The following NXPH2 variants were observed in gnomAD, a reference collection of about 807,000 sequenced individuals.
NXPH2 encodes neurexophilin 2.
A neutral mutation model predicts 19.8 loss-of-function variants in NXPH2; 5 were observed. The ratio of observed to expected loss-of-function variants is 0.25; its 90% CI spans 0.13 to 0.53. The LOEUF is 0.53. Among genes scored for constraint, NXPH2 ranks in the 20% least tolerant of loss-of-function variants. The probability of loss-of-function intolerance (pLI) is 0.96; values close to 1 mark genes in which losing one functional copy is unlikely to be tolerated. For missense variants in NXPH2, 289 were observed against 322.8 expected, an observed-to-expected ratio of 0.90 and a Z score of 0.80; for synonymous variants, 154 against 127.4, an observed-to-expected ratio of 1.21 and a Z score of -1.41.
chr2:138,738,810 A>G (rs937948715), intron 1 of NXPH2, among the ~76,000 whole-genome samples: 2 of 152,200 alleles, frequency 1.3e-5, no homozygotes, highest in African/African-American at 4.8e-5. Flanking sequence ...CTCATGCCAC[A>G]TGTACCGCAG....
At chr2:138,716,883 G>T (rs754992701) in intron 1 of NXPH2, among the ~76,000 whole-genome samples, 14 of 152,130 alleles carry the variant, frequency 9.2e-5, no homozygotes, top group South Asian at 2.1e-4. Context: ...AAATTGAAGG[G>T]CAATTGGTTG....
intron 1 of NXPH2, among the ~76,000 whole-genome samples, chr2:138,729,174 A>G (rs1333260821): frequency 6.6e-6 from 1 of 152,138 alleles, no homozygotes; most frequent in Non-Finnish European, 1.5e-5. Flanking sequence ...CCCCACCCAA[A>G]TCTCATCTTG....
intron 1 of NXPH2, among the ~76,000 whole-genome samples, chr2:138,689,586 T>C (rs1051791939): frequency 2.0e-5 from 3 of 152,202 alleles, no homozygotes; most frequent in African/African-American, 4.8e-5. Context: ...CCCAGTTTTA[T>C]AGGGAAATCT....
At chr2:138,696,504 C>A (rs906745034) in intron 1 of NXPH2, among the ~76,000 whole-genome samples, 1 of 152,118 alleles carries the variant, frequency 6.6e-6, no homozygotes, top group Admixed American at 6.6e-5. Context: ...TAAAGTGCTC[C>A]ATCTCATTAG....
chr2:138,730,648 C>T (rs1013681781), intron 1 of NXPH2, among the ~76,000 whole-genome samples: 1 of 152,136 alleles, frequency 6.6e-6, no homozygotes, highest in African/African-American at 2.4e-5. Context: ...TTAAGTCATG[C>T]TAGCACAAGA....
intron 1 of NXPH2, among the ~76,000 whole-genome samples, chr2:138,694,841 C>G (rs1025610983): frequency 2.4e-4 from 37 of 152,230 alleles, no homozygotes; most frequent in African/African-American, 8.7e-4. Flanking sequence ...TATTCTAGAA[C>G]GTATTGCTCC....
At chr2:138,755,828 G>C (rs1023695135) in intron 1 of NXPH2, among the ~76,000 whole-genome samples, 15 of 151,980 alleles carry the variant, frequency 9.9e-5, no homozygotes, top group African/African-American at 3.6e-4. Context: ...CATTTATTTA[G>C]ATTTTTTTTT....
chr2:138,699,522 A>T (rs960128278), intron 1 of NXPH2, among the ~76,000 whole-genome samples: 1 of 152,108 alleles, frequency 6.6e-6, no homozygotes, highest in African/African-American at 2.4e-5. Flanking sequence ...TCTCTGTGAA[A>T]GCAGCATCCG....
chr2:138,720,544 G>A (rs1200049486), intron 1 of NXPH2, among the ~76,000 whole-genome samples: 2 of 152,232 alleles, frequency 1.3e-5, no homozygotes, highest in Admixed American at 6.5e-5. Flanking sequence ...ATCTATTTAT[G>A]TCACTGCAAA....
At chr2:138,696,585 A>C (rs978340377) in intron 1 of NXPH2, among the ~76,000 whole-genome samples, 1 of 152,198 alleles carries the variant, frequency 6.6e-6, no homozygotes, top group African/African-American at 2.4e-5. Context: ...TAAAATTAAA[A>C]AGACTGGCAG....
rs1421577294 is a variant in NXPH2 at position 138,671,288 on chromosome 2, A to C, written c.429T>G (p.Ser143Arg). Residue 143 changes from serine to arginine, a missense_variant, in exon 2 of 2, where the codon AGT becomes AGG. Ser to Arg is a moderately radical substitution (Grantham distance 110). Transcript: ENST00000272641. ...KIVDHGNGTF[S>R]VYFRHNSTGL... ...CTGTTGAATTATGTCGGAAATACAC[A>C]CTGAAGGTTCCATTTCCATGGTCAA... 1 of 1,613,866 alleles carries C rather than the reference A, an allele frequency of 6.2e-7. No individual in the cohort carries two copies. Among genetic ancestry groups the C allele is most frequent in the African/African-American group, 1.3e-5 (1 of 75,032 alleles).
chr2:138,711,070 T>TA (rs1256182735), intron 1 of NXPH2, among the ~76,000 whole-genome samples: 1 of 151,546 alleles, frequency 6.6e-6, no homozygotes, highest in Admixed American at 6.6e-5. Flanking sequence ...CCATTCTATT[T>TA]AAAAATCTCA....
rs1484359890 is a variant in NXPH2, at chr2:138,669,524, G to C, written c.*1398C>G. Among the ~76,000 whole-genome samples, 2 of 152,154 alleles carry C rather than the reference G, an allele frequency of 1.3e-5. No homozygotes were observed. The highest frequency in any genetic ancestry group is 2.4e-5 in the African/African-American group (1 of 41,442). On this transcript the variant is annotated 3_prime_UTR_variant, in exon 2 of 2. Coordinates refer to ENST00000272641, the MANE Select transcript of NXPH2 (RefSeq NM_007226.3). ...TGGTTTTTTGAACAGTGTGGTAAGAGTATTTCTTGTTGTTTAGGACTTCTC... is the reference window on the plus strand; with the variant it reads ...TGGTTTTTTGAACAGTGTGGTAAGACTATTTCTTGTTGTTTAGGACTTCTC...
rs1371110380 is a variant in NXPH2 at position 138,671,329 on chromosome 2, T to C, written c.388A>G (p.Ile130Val). The change falls in exon 2 of 2, where the codon ATC (isoleucine) becomes GTC (valine). Residue 130 changes from isoleucine (I) to valine (V), a missense_variant. Physicochemically the swap from Ile to Val is conservative, Grantham distance 29. Coordinates refer to ENST00000272641, the MANE Select transcript of NXPH2 (RefSeq NM_007226.3). ...NIKTVKLNLL[I>V]TGKIVDHGNG... ...CCATGGTCAACAATTTTCCCTGTGA[T>C]GAGGAGATTGAGTTTGACAGTTTTA... 2 of 1,613,746 alleles carry C rather than the reference T, an allele frequency of 1.2e-6. No homozygotes were observed. The highest frequency in any genetic ancestry group is 2.7e-5 in the African/African-American group (2 of 74,944).
chr2:138,749,141 C>T (rs577181145), intron 1 of NXPH2, among the ~76,000 whole-genome samples: 1 of 152,242 alleles, frequency 6.6e-6, no homozygotes, highest in Non-Finnish European at 1.5e-5. Context: ...GCTATTATCA[C>T]AATAGTGAGT....
At chr2:138,726,060 T>C (rs1182524021) in intron 1 of NXPH2, among the ~76,000 whole-genome samples, 1 of 152,160 alleles carries the variant, frequency 6.6e-6, no homozygotes, top group African/African-American at 2.4e-5. Flanking sequence ...GTTTTTGTTT[T>C]GAGATGGAGT....
At chr2:138,690,541 A>G (rs1296873371) in intron 1 of NXPH2, among the ~76,000 whole-genome samples, 1 of 151,986 alleles carries the variant, frequency 6.6e-6, no homozygotes, top group African/African-American at 2.4e-5. Context: ...TCACTGCTAT[A>G]TACTCACTGT....
chr2:138,700,934 G>C (rs987274792), intron 1 of NXPH2, among the ~76,000 whole-genome samples: 6 of 152,088 alleles, frequency 3.9e-5, no homozygotes, highest in African/African-American at 1.4e-4. Context: ...GCAAGACGTG[G>C]TGCTGGAAAG....
At chr2:138,709,381 G>C (rs1385852991) in intron 1 of NXPH2, among the ~76,000 whole-genome samples, 1 of 151,952 alleles carries the variant, frequency 6.6e-6, no homozygotes, top group African/African-American at 2.4e-5. Context: ...TTATTTTTTA[G>C]AGCAGTTTTG....
Sources: gnomAD v4.1 joint callset for allele counts (sites outside exome capture counted in the v4.1 genomes callset) on GRCh38, gnomAD v4.1.1 for gene constraint, MANE v1.5 for transcripts, NCBI Gene and HGNC (gene_info 2026-07-23, HGNC 2026-07-21) for gene names.